Variants in HPX observed in about 807,000 individuals in gnomAD.
HPX encodes the protein beta-1B-glycoprotein.
A neutral mutation model predicts 53.8 loss-of-function variants in HPX; 42 were observed. The ratio of observed to expected loss-of-function variants is 0.78; its 90% CI spans 0.61 to 1.01. HPX has a LOEUF of 1.01. HPX is among the 50% of genes least tolerant of loss of function. HPX has a pLI of 0.00. For missense variants in HPX, 547 were observed against 594.3 expected (o/e 0.92, Z 0.83); for synonymous variants, 229 against 221.1 (o/e 1.04, Z -0.32).
rs1849445076 is a variant in HPX at position 6,438,473 on chromosome 11, CCTT to C, written c.370_372del (p.Lys124del). On this transcript the variant is annotated inframe_deletion, in exon 5 of 10. Coordinates refer to ENST00000265983, the MANE Select transcript of HPX (RefSeq NM_000613.3). ...TGGAGCAACTTTGGGTATCCTTTCTCCTTCTTTTCAGGAGGGTATACCCAGACT... is the reference window on the plus strand; with the variant it reads ...TGGAGCAACTTTGGGTATCCTTTCTCCTTTTCAGGAGGGTATACCCAGACT... 1 of 1,614,162 alleles carries C rather than the reference CCTT, an allele frequency of 6.2e-7. No individual in the cohort carries two copies. Among genetic ancestry groups the C allele is most frequent in the East Asian group, 2.2e-5 (1 of 44,892 alleles).
chr11:6,440,597 A>AC (rs1849471373), intron 2 of HPX, 59 bp from the exon 3 acceptor site: 3 of 1,275,536 alleles, frequency 2.4e-6, no homozygotes, highest in East Asian at 2.3e-5. Context: ...AAAAAAAAAA[A>AC]AAAAAACCAG....
chr11:6,438,200 C>G (rs963561861), intron 5 of HPX, 156 bp downstream of exon 5: 3 of 726,614 alleles, frequency 4.1e-6, no homozygotes, highest in Non-Finnish European at 4.7e-6. Flanking sequence ...CCTTCCCTCA[C>G]GTGACCTCTA....
In HPX at chr11:6,437,082, T is replaced by C. The variant is rs1178122263; in HGVS notation, c.799A>G (p.Thr267Ala). The change falls in exon 7 of 10, where the codon ACG (threonine) becomes GCG (alanine). Residue 267 changes from threonine (T) to alanine (A), a missense_variant. Thr to Ala is a moderately conservative substitution (Grantham distance 58). Coordinates refer to ENST00000265983, the MANE Select transcript of HPX (RefSeq NM_000613.3). ...TAGGTGGCACCATGGTTGTCAGACG[T>C]CAGTGCAGACAAGACTAGATGTGGG... is the stretch of plus-strand genomic sequence containing the variant. The part of the protein sequence containing the change: ...CSPHLVLSAL[T>A]SDNHGATYAF... 1 of 1,613,960 alleles carries C rather than the reference T, an allele frequency of 6.2e-7. No homozygotes were observed. The highest frequency in any genetic ancestry group is 8.5e-7 in the Non-Finnish European group (1 of 1,180,014).
intron 7 of HPX, among the ~76,000 whole-genome samples, chr11:6,434,306 G>A (rs571997647): frequency 3.8e-4 from 58 of 152,080 alleles, no homozygotes; most frequent in Non-Finnish European, 7.2e-4. Flanking sequence ...AAATTACCCT[G>A]CTCAGGAACC....
chr11:6,440,746 T>C lies in HPX; in HGVS notation c.84-16A>G, dbSNP rs372624362. On this transcript the variant is annotated splice_polypyrimidine_tract_variant and intron_variant, in intron 1 of 9. Coordinates refer to ENST00000265983, the MANE Select transcript of HPX (RefSeq NM_000613.3). Reference sequence around the variant, plus strand: ...GGCACTAGTCCTAGGGAGAACAAAATAGATATCTTGATCCATTGGGACCGA... The same window carrying C: ...GGCACTAGTCCTAGGGAGAACAAAACAGATATCTTGATCCATTGGGACCGA... 6 of 1,612,746 alleles carry C rather than the reference T, an allele frequency of 3.7e-6. No homozygotes were observed. The highest frequency in any genetic ancestry group is 1.1e-5 in the South Asian group (1 of 91,048).
Position 6,440,536 on chromosome 11 carries a change from G to A in HPX, c.145C>T (p.Arg49Cys), listed in dbSNP as rs754589286. The A allele has an allele frequency of 6.4e-5, 89 of 1,392,276 alleles. 1 individual carries two copies. Among genetic ancestry groups the A allele is most frequent in the Middle Eastern group, 1.9e-4 (1 of 5,230 alleles). 86.2% of individuals were successfully genotyped at this position (1,392,276 alleles called of 1,614,324 possible). A position where few individuals can be genotyped will look rare whatever the true frequency, so the allele number is the denominator to read the frequency against. ...TCAAAGCTCCAGCCATCTGAGCAGC[G>A]TTCTGGGGTGGAGGTAGGGAGATGG... ...ETKPDPDVTERCSDGWSFDAT... is the reference protein window; with the variant it reads ...ETKPDPDVTECCSDGWSFDAT... Residue 49 changes from arginine (R) to cysteine (C), a missense_variant and splice_region_variant, in exon 3 of 10, where the codon CGC (arginine) becomes TGC (cysteine). Transcript: ENST00000265983.
In HPX at chr11:6,437,500, C is replaced by T; in HGVS notation, c.643G>A (p.Glu215Lys). The change falls in exon 6 of 10, where the codon GAG becomes AAG. Residue 215 changes from glutamate (E) to lysine (K), a missense_variant. Transcript: ENST00000265983. ...TCCCGCGGGTACCTGGGAGGCACCT[C>T]TCCCCTGACAGGGTCGAAGCGCAGG... ...QFLRFDPVRG[E>K]VPPRYPRDVR... 2 of 1,614,226 alleles carry T rather than the reference C, an allele frequency of 1.2e-6. No homozygotes were observed. Among genetic ancestry groups the T allele is most frequent in the Non-Finnish European group, 1.7e-6 (2 of 1,180,030 alleles).
rs1473902923 is a variant in HPX at position 6,431,218 on chromosome 11, G to T, written c.1382C>A (p.Thr461Asn). The T allele has an allele frequency of 1.2e-6, 2 of 1,614,122 alleles. No individual in the cohort carries two copies. Among genetic ancestry groups the T allele is most frequent in the Non-Finnish European group, 1.7e-6 (2 of 1,180,042 alleles). ...CTCATGTCAGAAGGCCCCTCAGTGA[G>T]TGCAGCCCAGGAGACTGGTCACATT... is the stretch of plus-strand genomic sequence containing the variant. The part of the protein sequence containing the change: ...PQNVTSLLGC[T>N]H Residue 461 changes from threonine (T) to asparagine (N), a missense_variant, in exon 10 of 10, where the codon ACT becomes AAT. Coordinates refer to ENST00000265983, the MANE Select transcript of HPX (RefSeq NM_000613.3).
In HPX at chr11:6,440,900, T is replaced by C. The variant is rs201692942; in HGVS notation, c.64A>G (p.Ile22Val). 28 of 1,613,176 alleles carry C rather than the reference T, an allele frequency of 1.7e-5. No individual in the cohort carries two copies. Among genetic ancestry groups the C allele is most frequent in the African/African-American group, 2.7e-5 (2 of 74,984 alleles). The part of the protein sequence containing the change: ...GLWSLCWSLA[I>V]ATPLPPTSAH... ...ACTCACGGAGGAAGAGGGGTGGCAA[T>C]GGCCAGAGACCAGCATAGGCTCCAC... Residue 22 changes from isoleucine to valine, a missense_variant, in exon 1 of 10, where the codon ATT becomes GTT. By Grantham distance (29) the Ile-to-Val change is conservative. Transcript: ENST00000265983.
chr11:6,432,279 C>A (rs185011421), intron 7 of HPX: 10 of 516,546 alleles, frequency 1.9e-5, no homozygotes, highest in Non-Finnish European at 2.1e-5. Context: ...GTAAGGCCAA[C>A]ATCATGGGGT....
intron 4 of HPX, 65 bp downstream of exon 4, chr11:6,440,100 G>C (rs1471118495): frequency 6.2e-7 from 1 of 1,608,250 alleles, no homozygotes; most frequent in Non-Finnish European, 8.5e-7. Context: ...GGCCATTTGG[G>C]GGAAGGGTCC....
rs1849426290 is a variant in HPX at position 6,437,103 on chromosome 11, G to A, written c.778C>T (p.His260Tyr). 1 of 1,614,050 alleles carries A rather than the reference G, an allele frequency of 6.2e-7. No homozygotes were observed. Among genetic ancestry groups the A allele is most frequent in the South Asian group, 1.1e-5 (1 of 91,086 alleles). The change falls in exon 7 of 10, where the codon CAT becomes TAT. Residue 260 changes from histidine to tyrosine, a missense_variant. His to Tyr is a moderately conservative substitution (Grantham distance 83). Transcript: ENST00000265983. ...GACGTCAGTGCAGACAAGACTAGATGTGGGCTACAGCGCATATACTCAGGG... is the reference window on the plus strand; with the variant it reads ...GACGTCAGTGCAGACAAGACTAGATATGGGCTACAGCGCATATACTCAGGG... The part of the protein sequence containing the change: ...HGPEYMRCSP[H>Y]LVLSALTSDN...
At position 6,431,977 on chromosome 11, in the gene HPX, C is replaced by T. The variant is rs1173404949; in HGVS notation, c.876G>A (p.Trp292Ter). ...ACTGATGAGCAATGGGCCAGCTATG[C>T]CAGCCATCCCGGCTGGTGTCCAGAC... is the stretch of plus-strand genomic sequence containing the variant. ...YWRLDTSRDG[W>*]HSWPIAHQWP... Residue 292 changes from tryptophan (W) to a stop codon, truncating the protein, a stop_gained, in exon 8 of 10, where the codon TGG becomes TGA. Transcript: ENST00000265983. LOFTEE classifies it high-confidence loss of function. 2 of 1,614,082 alleles carry T rather than the reference C, an allele frequency of 1.2e-6. No individual in the cohort carries two copies. The highest frequency in any genetic ancestry group is 1.7e-6 in the Non-Finnish European group (2 of 1,180,040).
At chr11:6,433,075 A>AT (rs1416286316) in intron 7 of HPX, among the ~76,000 whole-genome samples, 2 of 152,160 alleles carry the variant, frequency 1.3e-5, no homozygotes, top group Non-Finnish European at 2.9e-5. Flanking sequence ...GTCTTTCCCA[A>AT]TTTTAGAAAA....
chr11:6,437,038 T>A lies in HPX; in HGVS notation c.835+8A>T. 6.2e-7 allele frequency: 1 copy of A among 1,613,652 alleles called. No individual in the cohort carries two copies. Among genetic ancestry groups the A allele is most frequent in the East Asian group, 2.2e-5 (1 of 44,866 alleles). On this transcript the variant is annotated splice_region_variant and intron_variant, in intron 7 of 9. Transcript: ENST00000265983. ...GAGCACATTGGGGGAGTTGGGGGCA[T>A]CTCTCACCACTGAAGGCATAGGTGG...
chr11:6,431,331 G>A lies in HPX; in HGVS notation c.1269C>T (p.Pro423=), dbSNP rs369731095. The A allele has an allele frequency of 6.0e-5, 97 of 1,614,094 alleles. No individual in the cohort carries two copies. Among genetic ancestry groups the A allele is most frequent in the Non-Finnish European group, 7.4e-5 (87 of 1,180,036 alleles). The part of the protein sequence containing the change: ...LGPNSCSANG[P]GLYLIHGPNL... ...TGGGACCATGGATGAGGTACAAGCC[G>A]GGACCATTGGCGGAACATGAGTTAG... The change falls in exon 10 of 10, where the codon CCC becomes CCT. Residue 423 remains proline, a synonymous_variant. Coordinates refer to ENST00000265983, the MANE Select transcript of HPX (RefSeq NM_000613.3).
rs1424638553 is a variant in HPX, at chr11:6,438,462, G to A, written c.384C>T (p.Tyr128=). 1 of 1,614,030 alleles carries A rather than the reference G, an allele frequency of 6.2e-7. No homozygotes were observed. The highest frequency in any genetic ancestry group is 1.7e-5 in the Admixed American group (1 of 60,032). ...GAAATTCATCTTGGAGCAACTTTGG[G>A]TATCCTTTCTCCTTCTTTTCAGGAG... The part of the protein sequence containing the change: ...VYPPEKKEKG[Y]PKLLQDEFPG... Residue 128 remains tyrosine (Y), a synonymous_variant, in exon 5 of 10, where the codon TAC becomes TAT. Transcript: ENST00000265983.
At chr11:6,434,381 T>C (rs544896492) in intron 7 of HPX, among the ~76,000 whole-genome samples, 6 of 152,280 alleles carry the variant, frequency 3.9e-5, no homozygotes, top group Non-Finnish European at 5.9e-5. Context: ...CCAGGCTGGA[T>C]TGCAGAGGCA....
At chr11:6,435,267 T>A (rs1224389200) in intron 7 of HPX, among the ~76,000 whole-genome samples, 1 of 151,570 alleles carries the variant, frequency 6.6e-6, no homozygotes, top group Non-Finnish European at 1.5e-5. Context: ...AGAGTGAGAC[T>A]CCATCTCAAA....
Sources: gnomAD v4.1 joint callset for allele counts (sites outside exome capture counted in the v4.1 genomes callset) on GRCh38, gnomAD v4.1.1 for gene constraint, MANE v1.5 for transcripts, NCBI Gene and HGNC (gene_info 2026-07-23, HGNC 2026-07-21) for gene names.